The following CDH12 variants were observed in gnomAD, a reference collection of about 807,000 sequenced individuals.
The protein encoded by CDH12 is cadherin 12, also known as cadherin-12.
CDH12 carries 41 observed loss-of-function variants against 74.1 expected under a neutral mutation model. The observed-to-expected ratio is 0.55, with a 90% CI of 0.43 to 0.72. The LOEUF is 0.72. CDH12 is among the 30% of genes least tolerant of loss of function. The pLI, the probability that CDH12 is intolerant of heterozygous loss-of-function variation, is 0.00. For synonymous variants in CDH12, 399 were observed against 355.0 expected (o/e 1.12, Z -1.39); for missense variants, 945 against 977.2 (o/e 0.97, Z 0.44).
At chr5:21,756,479 T>C (rs1744403725) in intron 13 of CDH12, among the ~76,000 whole-genome samples, 1 of 152,180 alleles carries the variant, frequency 6.6e-6, no homozygotes, top group Non-Finnish European at 1.5e-5. Flanking sequence ...AAGTAACTCA[T>C]TGTAATTCTG....
chr5:22,112,576 A>G (rs1744875584), intron 4 of CDH12, among the ~76,000 whole-genome samples: 2 of 152,254 alleles, frequency 1.3e-5, no homozygotes, highest in East Asian at 1.9e-4. Context: ...GATTAATTTC[A>G]TAGTCTGTCA....
chr5:21,968,233 T>G (rs554317762), intron 6 of CDH12, among the ~76,000 whole-genome samples: 4 of 152,220 alleles, frequency 2.6e-5, no homozygotes, highest in African/African-American at 9.6e-5. Flanking sequence ...TTCCAATGTA[T>G]TGACTGCACT....
In CDH12 at chr5:22,086,431, G is replaced by A. The variant is rs186219705; in HGVS notation, c.-186-7569C>T. Among the ~76,000 whole-genome samples, 532 of 152,016 alleles carry A rather than the reference G, an allele frequency of 3.5e-3. 2 individuals carry two copies. The highest frequency in any genetic ancestry group is 7.9e-3 in the East Asian group (41 of 5,162). Reference sequence around the variant, plus strand: ...GTGATCTCGTCTCATTCCAGCCTCCGCCTCCCGGGTTTAAACAATTCTCTG... The same window carrying A: ...GTGATCTCGTCTCATTCCAGCCTCCACCTCCCGGGTTTAAACAATTCTCTG... On this transcript the variant is annotated intron_variant, in intron 4 of 14. Coordinates refer to ENST00000382254, the MANE Select transcript of CDH12 (RefSeq NM_004061.5).
intron 6 of CDH12, among the ~76,000 whole-genome samples, chr5:21,880,608 C>T (rs1277337015): frequency 7.9e-4 from 52 of 65,694 alleles, no homozygotes; most frequent in African/African-American, 2.6e-3. Flanking sequence ...TCCTTCCTTC[C>T]TTCCTTCCTT....
chr5:22,786,714 C>A (rs1747643687), intron 1 of CDH12, among the ~76,000 whole-genome samples: 1 of 150,490 alleles, frequency 6.6e-6, no homozygotes. Flanking sequence ...TTTCTTTTTT[C>A]TTTCTGTTTT....
At chr5:21,754,472 T>G (rs764295023) in intron 14 of CDH12, among the ~76,000 whole-genome samples, 2 of 152,128 alleles carry the variant, frequency 1.3e-5, no homozygotes, top group African/African-American at 2.4e-5. Flanking sequence ...CAGGGATAAT[T>G]TATTATGAAT....
intron 1 of CDH12, among the ~76,000 whole-genome samples, chr5:22,763,511 A>G (rs995070570): frequency 6.6e-6 from 1 of 151,984 alleles, no homozygotes; most frequent in Non-Finnish European, 1.5e-5. Flanking sequence ...CTACAAACAC[A>G]TGAAAAAAGT....
chr5:21,794,611 C>A (rs1254323301), intron 10 of CDH12, among the ~76,000 whole-genome samples: 2 of 151,636 alleles, frequency 1.3e-5, no homozygotes, highest in African/African-American at 4.8e-5. Context: ...TCAATTTGTA[C>A]AAAATATCTA....
intron 5 of CDH12, among the ~76,000 whole-genome samples, chr5:21,996,442 T>A: frequency 6.6e-6 from 1 of 152,178 alleles, no homozygotes; most frequent in African/African-American, 2.4e-5. Context: ...GGAACTTCCT[T>A]AGAGAACATT....
chr5:22,519,164 C>T (rs936720827), intron 1 of CDH12, among the ~76,000 whole-genome samples: 1 of 152,126 alleles, frequency 6.6e-6, no homozygotes, highest in African/African-American at 2.4e-5. Context: ...GTCCCAGGCA[C>T]TGGACAGTAT....
At chr5:22,835,411 C>A (rs1736778175) in intron 1 of CDH12, among the ~76,000 whole-genome samples, 1 of 152,122 alleles carries the variant, frequency 6.6e-6, no homozygotes, top group South Asian at 2.1e-4. Flanking sequence ...AATGTGTCCT[C>A]CATTACCATT....
intron 4 of CDH12, among the ~76,000 whole-genome samples, chr5:22,100,408 G>A (rs1027535495): frequency 1.3e-5 from 2 of 152,110 alleles, no homozygotes; most frequent in African/African-American, 4.8e-5. Flanking sequence ...TTAAGCAAGA[G>A]AGAAACATTT....
At chr5:21,967,518 C>T (rs1050449896) in intron 6 of CDH12, among the ~76,000 whole-genome samples, 9 of 151,882 alleles carry the variant, frequency 5.9e-5, no homozygotes, top group African/African-American at 9.7e-5. Flanking sequence ...GAAGCAACTC[C>T]GGCTAAAATA....
intron 3 of CDH12, among the ~76,000 whole-genome samples, chr5:22,334,917 C>A (rs1260095079): frequency 6.6e-6 from 1 of 152,106 alleles, no homozygotes; most frequent in Non-Finnish European, 1.5e-5. Context: ...TGCAGAAACT[C>A]TCCACAGCAT....
At chr5:22,159,661 C>T (rs959028534) in intron 4 of CDH12, among the ~76,000 whole-genome samples, 2 of 152,160 alleles carry the variant, frequency 1.3e-5, no homozygotes, top group Non-Finnish European at 2.9e-5. Flanking sequence ...ATAACTACCA[C>T]AGCAAAAACT....
At chr5:21,798,929 G>T (rs1236271108) in intron 10 of CDH12, among the ~76,000 whole-genome samples, 1 of 152,144 alleles carries the variant, frequency 6.6e-6, no homozygotes, top group Admixed American at 6.6e-5. Context: ...ATGTAGAAGT[G>T]GCTCTGAAAC....
At chr5:22,542,344 A>G (rs1738142663) in intron 1 of CDH12, among the ~76,000 whole-genome samples, 2 of 152,184 alleles carry the variant, frequency 1.3e-5, no homozygotes, top group South Asian at 4.1e-4. Flanking sequence ...TTCTTGTACA[A>G]TAATTGGGAG....
intron 1 of CDH12, among the ~76,000 whole-genome samples, chr5:22,688,948 C>T (rs141198288): frequency 1.1e-4 from 16 of 152,022 alleles, no homozygotes; most frequent in East Asian, 3.9e-4. Context: ...TTTGAGCAGG[C>T]GTTAAATGAT....
chr5:22,200,155 A>G (rs1470251606), intron 4 of CDH12, among the ~76,000 whole-genome samples: 4 of 152,138 alleles, frequency 2.6e-5, no homozygotes, highest in Non-Finnish European at 5.9e-5. Flanking sequence ...TTATTGTAAT[A>G]TTAAATATAA....
Sources: allele counts gnomAD v4.1 joint callset (sites outside exome capture counted in the v4.1 genomes callset), GRCh38; gene constraint gnomAD v4.1.1; transcripts MANE v1.5; gene names NCBI Gene and HGNC (gene_info 2026-07-23, HGNC 2026-07-21).